SLC66A3: variants seen among roughly 807,000 people sequenced by gnomAD.
SLC66A3 encodes the protein PQ loop repeat containing 3.
A neutral mutation model predicts 25.5 loss-of-function variants in SLC66A3; 23 were observed. The observed-to-expected ratio is 0.90, with a 90% CI of 0.65 to 1.28. The LOEUF (loss-of-function observed/expected upper bound fraction) is 1.28, where lower values mean the gene tolerates loss of function less well. SLC66A3 is among the 50% of genes most tolerant of loss of function. The probability of loss-of-function intolerance (pLI) is 0.00; values close to 1 mark genes in which losing one functional copy is unlikely to be tolerated. For synonymous variants in SLC66A3, 108 were observed against 112.6 expected (o/e 0.96, Z 0.26); for missense variants, 246 against 262.1 (o/e 0.94, Z 0.42).
chr2:11,172,106 G>T, intron 5 of SLC66A3, 61 bp downstream of exon 5: 2 of 1,550,102 alleles, frequency 1.3e-6, no homozygotes, highest in Non-Finnish European at 1.8e-6. Flanking sequence ...TACGTAGTAG[G>T]GTGTTAAGTT....
At chr2:11,165,860 A>G (rs1421321941) in intron 4 of SLC66A3, among the ~76,000 whole-genome samples, 1 of 151,830 alleles carries the variant, frequency 6.6e-6, no homozygotes, top group Admixed American at 6.6e-5. Flanking sequence ...CCAAAAAAAT[A>G]CGAAAACCAG....
At chr2:11,168,579 C>T (rs571466919) in intron 4 of SLC66A3, among the ~76,000 whole-genome samples, 1 of 152,248 alleles carries the variant, frequency 6.6e-6, no homozygotes, top group South Asian at 2.1e-4. Flanking sequence ...CCCAGCTCTT[C>T]CCATTCCGCA....
At chr2:11,167,050 T>C (rs1662370346) in intron 4 of SLC66A3, among the ~76,000 whole-genome samples, 1 of 152,248 alleles carries the variant, frequency 6.6e-6, no homozygotes, top group Admixed American at 6.5e-5. Context: ...TAGGTCTTAC[T>C]ACTGATGAGT....
chr2:11,169,518 A>G (rs72785456), intron 4 of SLC66A3, among the ~76,000 whole-genome samples: 6,444 of 152,092 alleles, frequency 0.042, 277 homozygotes, highest in Non-Finnish European at 0.06. Flanking sequence ...TCCTTCTTGA[A>G]TCACTGCCCA....
intron 6 of SLC66A3, among the ~76,000 whole-genome samples, chr2:11,176,161 T>C (rs978406781): frequency 3.9e-5 from 6 of 152,256 alleles, no homozygotes; most frequent in African/African-American, 1.4e-4. Context: ...GTGATTTATT[T>C]CTTATCTATG....
Position 11,155,838 on chromosome 2 carries a change from T to C in SLC66A3, c.143+149T>C, listed in dbSNP as rs908706739. On this transcript the variant is annotated intron_variant, in intron 1 of 6. Transcript: ENST00000295083. ...GCGGCCGAGGGTGAACTAGGGAGCC[T>C]AGGGGCTCGGGGTGCTCTTCCCACG... 9 of 681,586 alleles carry C rather than the reference T, an allele frequency of 1.3e-5. No homozygotes were observed. The African/African-American group carries it at 1.7e-4, about 13-fold the overall frequency. 42.2% of individuals were successfully genotyped at this position (681,586 alleles called of 1,614,324 possible). A position where few individuals can be genotyped will look rare whatever the true frequency, so the allele number is the denominator to read the frequency against.
chr2:11,157,254 C>T (rs1009380977), intron 1 of SLC66A3, among the ~76,000 whole-genome samples: 1 of 152,220 alleles, frequency 6.6e-6, no homozygotes, highest in African/African-American at 2.4e-5. Flanking sequence ...TCTTCCTGGG[C>T]ATGGGAGCTC....
intron 4 of SLC66A3, among the ~76,000 whole-genome samples, chr2:11,165,269 G>A (rs1558253721): frequency 7.5e-6 from 1 of 132,610 alleles, no homozygotes; most frequent in African/African-American, 3.2e-5. Flanking sequence ...TCAGAGGGGC[G>A]GCTGCCGGGC....
chr2:11,173,050 A>C (rs1473383221), intron 5 of SLC66A3, among the ~76,000 whole-genome samples: 2 of 152,082 alleles, frequency 1.3e-5, no homozygotes, highest in African/African-American at 4.8e-5. Flanking sequence ...TTTAGTAGAG[A>C]CGAGTTTTCA....
intron 2 of SLC66A3, 26 bp from the exon 3 acceptor site, chr2:11,160,599 C>G (rs373960969): frequency 1.2e-6 from 2 of 1,614,200 alleles, no homozygotes; most frequent in East Asian, 2.2e-5. Context: ...CCCCTTCCCC[C>G]CTCACTCGGA....
chr2:11,155,725 CCTCGCAG>C (rs1661870736), intron 1 of SLC66A3, 36 bp downstream of exon 1: 23 of 1,334,788 alleles, frequency 1.7e-5, no homozygotes, highest in Non-Finnish European at 2.2e-5. Flanking sequence ...CCTCCTGCCC[CCTCGCAG>C]CTGCTGCCGG....
chr2:11,156,603 G>A (rs1470278255), intron 1 of SLC66A3, among the ~76,000 whole-genome samples: 2 of 152,164 alleles, frequency 1.3e-5, no homozygotes, highest in African/African-American at 4.8e-5. Flanking sequence ...GAGACCTCAG[G>A]TGTGGGAGGG....
intron 3 of SLC66A3, among the ~76,000 whole-genome samples, chr2:11,162,947 GATAATTATTGGCCAGGTGT>G (rs1294218918): frequency 6.6e-6 from 1 of 152,180 alleles, no homozygotes; most frequent in African/African-American, 2.4e-5. Flanking sequence ...TACTTCTACT[GATAATTATTGGCCAGGTGT>G]AGCGGCTCAT....
intron 3 of SLC66A3, among the ~76,000 whole-genome samples, 153 bp from the exon 4 acceptor site, chr2:11,164,051 C>T (rs144009199): frequency 1.3e-5 from 2 of 152,140 alleles, no homozygotes; most frequent in African/African-American, 4.8e-5. Context: ...CTTTTCGTCC[C>T]TTCCAAATCC....
chr2:11,157,412 G>C (rs1160039241), intron 1 of SLC66A3, among the ~76,000 whole-genome samples: 1 of 152,256 alleles, frequency 6.6e-6, no homozygotes, highest in Non-Finnish European at 1.5e-5. Flanking sequence ...CAGGCACACA[G>C]ACTTCTGTAA....
At chr2:11,162,685 C>G (rs1662169522) in intron 3 of SLC66A3, among the ~76,000 whole-genome samples, 1 of 152,240 alleles carries the variant, frequency 6.6e-6, no homozygotes, top group African/African-American at 2.4e-5. Context: ...CAGCGCACTG[C>G]AAGCTCCGCC....
intron 4 of SLC66A3, among the ~76,000 whole-genome samples, chr2:11,170,064 C>T (rs1437840293): frequency 6.6e-6 from 1 of 152,126 alleles, no homozygotes; most frequent in Non-Finnish European, 1.5e-5. Flanking sequence ...GTCTCGATCT[C>T]TTGACCTCGT....
At chr2:11,162,250 C>G (rs1468607158) in intron 3 of SLC66A3, among the ~76,000 whole-genome samples, 2 of 152,162 alleles carry the variant, frequency 1.3e-5, no homozygotes, top group Non-Finnish European at 2.9e-5. Flanking sequence ...TGCTGTTTCC[C>G]CGAGTGGCAA....
Position 11,160,168 on chromosome 2 carries a change from G to T in SLC66A3, c.144-298G>T, listed in dbSNP as rs1662065108. 4.7e-5 allele frequency: 22 copies of T among 465,582 alleles called. No homozygotes were observed. In the South Asian group the frequency reaches 5.1e-4, roughly 11 times the overall value. The allele number at this position is 465,582 out of a possible 1,614,324, so 28.8% of individuals were successfully genotyped here. ...CCAGAAGGCCCAGTCTCATATTCTT[G>T]CTCAGGGATTTGCCTTCTGTAAAAA... On this transcript the variant is annotated intron_variant, in intron 1 of 6. Transcript: ENST00000295083.
Sources: allele counts gnomAD v4.1 joint callset (sites outside exome capture counted in the v4.1 genomes callset), GRCh38; gene constraint gnomAD v4.1.1; transcripts MANE v1.5; gene names NCBI Gene and HGNC (gene_info 2026-07-23, HGNC 2026-07-21).